CSMD3: variants seen among roughly 807,000 people sequenced by gnomAD.
CSMD3 encodes the protein CUB and sushi domain-containing protein 3.
In CSMD3, 177 loss-of-function variants were observed where a neutral mutation model predicts 435.2. The ratio of observed to expected loss-of-function variants is 0.41; its 90% confidence interval spans 0.36 to 0.46. The LOEUF is 0.46. Among genes scored for constraint, CSMD3 ranks in the 20% least tolerant of loss-of-function variants. The probability of loss-of-function intolerance (pLI) is 0.34; values close to 1 mark genes in which losing one functional copy is unlikely to be tolerated. For missense variants in CSMD3, 4,265 were observed against 4,504.6 expected, an observed-to-expected ratio of 0.95 and a Z score of 1.52; for synonymous variants, 1,656 against 1,520.5, an observed-to-expected ratio of 1.09 and a Z score of -2.07.
At chr8:112,887,494 A>AT (rs1388026577) in intron 10 of CSMD3, among the ~76,000 whole-genome samples, 2 of 151,454 alleles carry the variant, frequency 1.3e-5, no homozygotes, top group Non-Finnish European at 3.0e-5. Context: ...GTAGTATGTG[A>AT]TTTTTTTCAT....
chr8:112,508,777 T>C (rs754183577), intron 28 of CSMD3, among the ~76,000 whole-genome samples: 3 of 152,124 alleles, frequency 2.0e-5, no homozygotes, highest in Non-Finnish European at 2.9e-5. Flanking sequence ...TCAAAGTCTC[T>C]TCTTACTAAA....
intron 4 of CSMD3, among the ~76,000 whole-genome samples, chr8:113,167,176 C>G (rs1297225895): frequency 2.0e-5 from 3 of 152,034 alleles, no homozygotes; most frequent in Non-Finnish European, 4.4e-5. Flanking sequence ...ACATGTTTAA[C>G]TGTCAATAGA....
intron 65 of CSMD3, 74 bp downstream of exon 65, chr8:112,244,320 G>C (rs2130103741): frequency 3.9e-6 from 5 of 1,281,638 alleles, no homozygotes; most frequent in South Asian, 2.4e-5. Flanking sequence ...AATTTGAGTT[G>C]AGTTTTTGTC....
chr8:113,147,188 AT>A (rs1366529692), intron 4 of CSMD3, among the ~76,000 whole-genome samples: 1 of 151,744 alleles, frequency 6.6e-6, no homozygotes, highest in Admixed American at 6.6e-5. Flanking sequence ...AAGGAATATT[AT>A]TGGAAAAGAA....
chr8:112,973,202 C>T (rs1025400506), intron 7 of CSMD3, among the ~76,000 whole-genome samples: 3 of 151,750 alleles, frequency 2.0e-5, no homozygotes, highest in African/African-American at 4.8e-5. Flanking sequence ...TAGTGTTATA[C>T]GACTGGATTT....
Position 113,016,869 on chromosome 8 carries a change from T to C in CSMD3, c.1030+2198A>G, listed in dbSNP as rs1050512548. Among the ~76,000 whole-genome samples, 94 of 152,040 alleles carry C rather than the reference T, an allele frequency of 6.2e-4. 1 individual carries two copies. Among genetic ancestry groups the C allele is most frequent in the African/African-American group, 2.3e-3 (94 of 41,552 alleles). ...AAGTTATCTTAGTACACATATATTT[T>C]TTAATTTAAATTTCTTCATTATGAT... is the stretch of plus-strand genomic sequence containing the variant. On this transcript the variant is annotated intron_variant, in intron 6 of 70. Transcript: ENST00000297405.
At chr8:112,772,044 C>T (rs563008594) in intron 13 of CSMD3, among the ~76,000 whole-genome samples, 1 of 151,388 alleles carries the variant, frequency 6.6e-6, no homozygotes, top group South Asian at 2.1e-4. Context: ...TTTAATGAAA[C>T]AAAAAATGAA....
chr8:112,672,129 C>A (rs553220331), intron 16 of CSMD3, among the ~76,000 whole-genome samples: 2 of 151,938 alleles, frequency 1.3e-5, no homozygotes, highest in Non-Finnish European at 2.9e-5. Flanking sequence ...AAATATAGGG[C>A]AGGGACAGGT....
At chr8:112,356,558 C>T (rs1014347289) in intron 38 of CSMD3, among the ~76,000 whole-genome samples, 1 of 151,570 alleles carries the variant, frequency 6.6e-6, no homozygotes, top group Non-Finnish European at 1.5e-5. Context: ...AGTACTGATT[C>T]GGTTTGGCTG....
At chr8:112,623,802 G>T (rs761232972) in intron 22 of CSMD3, among the ~76,000 whole-genome samples, 10 of 151,960 alleles carry the variant, frequency 6.6e-5, no homozygotes, top group Non-Finnish European at 1.2e-4. Context: ...TAAAGAAATT[G>T]CTAATGTCTA....
chr8:112,781,654 C>G (rs1480999452), intron 13 of CSMD3, among the ~76,000 whole-genome samples: 1 of 152,080 alleles, frequency 6.6e-6, no homozygotes, highest in Non-Finnish European at 1.5e-5. Flanking sequence ...CAGCTGTGAC[C>G]CAACATAGCC....
chr8:112,319,593 T>C (rs1822797106), intron 46 of CSMD3, among the ~76,000 whole-genome samples: 1 of 152,188 alleles, frequency 6.6e-6, no homozygotes, highest in Non-Finnish European at 1.5e-5. Flanking sequence ...GAACAAAGGT[T>C]AGAACTATAG....
At chr8:113,294,112 A>G (rs1162206163) in intron 2 of CSMD3, among the ~76,000 whole-genome samples, 1 of 152,078 alleles carries the variant, frequency 6.6e-6, no homozygotes, top group Non-Finnish European at 1.5e-5. Context: ...TATTACATTA[A>G]GAATTACATT....
At chr8:112,361,776 C>T (rs1359782605) in intron 38 of CSMD3, among the ~76,000 whole-genome samples, 4 of 150,972 alleles carry the variant, frequency 2.6e-5, no homozygotes, top group Non-Finnish European at 5.9e-5. Context: ...ACCTATGTAT[C>T]TATTTATTGA....
At chr8:112,864,264 T>C (rs1015079471) in intron 10 of CSMD3, among the ~76,000 whole-genome samples, 35 of 152,194 alleles carry the variant, frequency 2.3e-4, no homozygotes, top group Admixed American at 2.2e-3. Flanking sequence ...GTTGTTGTTG[T>C]TTTAGACGGA....
At position 113,314,723 on chromosome 8, in the gene CSMD3, A is replaced by C; in HGVS notation, c.249T>G (p.Tyr83Ter). The C allele has an allele frequency of 6.2e-7, 1 of 1,613,296 alleles. No individual in the cohort carries two copies. The highest frequency in any genetic ancestry group is 8.5e-7 in the Non-Finnish European group (1 of 1,179,492). ...TGCAGTTTGCACCATTTGGATATCC[A>C]TATGGAAAACCAGGGCTTTCTATAG... ...NGTIESPGFP[Y>*]GYPNGANCTW... is the part of the protein sequence containing the mutation. Residue 83 changes from tyrosine (Y) to a stop codon, truncating the protein, a stop_gained, in exon 2 of 71, where the codon TAT (tyrosine) becomes TAG (stop). Coordinates refer to ENST00000297405, the MANE Select transcript of CSMD3 (RefSeq NM_198123.2). LOFTEE classifies it high-confidence loss of function.
rs2089435474 is a variant in CSMD3 at position 113,078,490 on chromosome 8, T to C, written c.917+20266A>G. Among the ~76,000 whole-genome samples, 2 of 152,210 alleles carry C rather than the reference T, an allele frequency of 1.3e-5. 1 individual carries two copies. Among genetic ancestry groups the C allele is most frequent in the South Asian group, 4.1e-4 (2 of 4,834 alleles). ...TGTTACATTAAAGGAAATTAGAAGC[T>C]GATCAAATGAAAGCTCAGACTACCT... On this transcript the variant is annotated intron_variant, in intron 5 of 70. Coordinates refer to ENST00000297405, the MANE Select transcript of CSMD3 (RefSeq NM_198123.2).
chr8:112,918,555 A>G (rs1564103026), intron 10 of CSMD3, among the ~76,000 whole-genome samples: 4 of 151,882 alleles, frequency 2.6e-5, no homozygotes, highest in Admixed American at 1.3e-4. Context: ...TAAAATGAAC[A>G]TTCTACACAT....
chr8:113,316,207 G>C (rs950526941), intron 1 of CSMD3, among the ~76,000 whole-genome samples: 2 of 152,104 alleles, frequency 1.3e-5, no homozygotes, highest in African/African-American at 4.8e-5. Context: ...ATCTTTATCT[G>C]TGAGTCCTAC....
Sources: gnomAD v4.1 joint callset for allele counts (sites outside exome capture counted in the v4.1 genomes callset) on GRCh38, gnomAD v4.1.1 for gene constraint, MANE v1.5 for transcripts, NCBI Gene and HGNC (gene_info 2026-07-23, HGNC 2026-07-21) for gene names.